The following NAA50 variants were observed in gnomAD, a reference collection of about 807,000 sequenced individuals.
NAA50 encodes N-alpha-acetyltransferase 50.
NAA50 carries 7 observed loss-of-function variants against 20.7 expected under a neutral mutation model. The observed-to-expected ratio is 0.34, with a 90% CI of 0.19 to 0.63. The LOEUF (loss-of-function observed/expected upper bound fraction) is 0.63. NAA50 is among the 30% of genes least tolerant of loss of function. The probability of loss-of-function intolerance (pLI) is 0.75; values close to 1 mark genes in which losing one functional copy is unlikely to be tolerated. For missense variants in NAA50, 111 were observed against 199.1 expected (o/e 0.56, Z 2.66); for synonymous variants, 54 against 70.6 (o/e 0.77, Z 1.18).
rs938160399 is a variant in NAA50 at position 113,717,767 on chromosome 3, C to T, written c.*3993G>A. On this transcript the variant is annotated 3_prime_UTR_variant, in exon 5 of 5. Coordinates refer to ENST00000240922, the MANE Select transcript of NAA50 (RefSeq NM_025146.4). ...AACCACAAGAGCACAGCCTTTAGAC[C>T]CACTATTTCTTTTATATCCCGAATA... 6.6e-6 allele frequency: 1 copy of T among 152,156 alleles called. No homozygotes were observed. The highest frequency in any genetic ancestry group is 2.4e-5 in the African/African-American group (1 of 41,418). 9.4% of individuals were successfully genotyped at this position (152,156 alleles called of 1,614,324 possible).
chr3:113,735,917 G>A lies in NAA50; in HGVS notation c.8+10025C>T, dbSNP rs1195459824. Among the ~76,000 whole-genome samples the A allele has an allele frequency of 7.9e-5, 12 of 152,286 alleles. No individual in the cohort carries two copies. In the South Asian group the frequency reaches 1.9e-3, roughly 24 times the overall value. On this transcript the variant is annotated intron_variant, in intron 1 of 4. Coordinates refer to ENST00000240922, the MANE Select transcript of NAA50 (RefSeq NM_025146.4). ...AGGCTGGTCTCCAACTGCTGGTCTC[G>A]AATTCCTGGTCTCTCACCTCGGCCC...
At chr3:113,724,668 C>T (rs1015886054) in intron 1 of NAA50, 11 of 152,174 alleles carry the variant, frequency 7.2e-5, no homozygotes, top group African/African-American at 2.7e-4. Flanking sequence ...AGGATGAAAA[C>T]TATCCATTAA....
intron 2 of NAA50, among the ~76,000 whole-genome samples, 196 bp downstream of exon 2, chr3:113,723,763 G>A (rs922941755): frequency 2.0e-5 from 3 of 152,024 alleles, no homozygotes; most frequent in South Asian, 2.1e-4. Context: ...AGAACACTAA[G>A]CATTTCTTTT....
At chr3:113,734,830 T>G (rs1391626092) in intron 1 of NAA50, among the ~76,000 whole-genome samples, 1 of 152,214 alleles carries the variant, frequency 6.6e-6, no homozygotes, top group East Asian at 1.9e-4. Context: ...ATACATGTTC[T>G]GATAGTTTTT....
At chr3:113,739,139 G>A (rs1371083409) in intron 1 of NAA50, among the ~76,000 whole-genome samples, 1 of 152,150 alleles carries the variant, frequency 6.6e-6, no homozygotes, top group African/African-American at 2.4e-5. Flanking sequence ...TAGAGTTAAA[G>A]CAAAATGTGA....
At chr3:113,723,714 A>T in intron 2 of NAA50, 173 bp from the exon 3 acceptor site, 1 of 842,884 alleles carries the variant, frequency 1.2e-6, no homozygotes, top group East Asian at 2.7e-5. Context: ...AGCCTCCTCT[A>T]GAGTATAGCT....
chr3:113,735,937 C>T (rs577593748), intron 1 of NAA50, among the ~76,000 whole-genome samples: 17 of 152,362 alleles, frequency 1.1e-4, no homozygotes, highest in African/African-American at 3.6e-4. Flanking sequence ...TCTCTCACCT[C>T]GGCCCCCGAA....
At chr3:113,734,029 C>T (rs1011346166) in intron 1 of NAA50, among the ~76,000 whole-genome samples, 1 of 152,066 alleles carries the variant, frequency 6.6e-6, no homozygotes, top group Non-Finnish European at 1.5e-5. Flanking sequence ...ATCGATCCTA[C>T]TTACTGTAGT....
At chr3:113,735,596 T>A (rs1708331184) in intron 1 of NAA50, among the ~76,000 whole-genome samples, 1 of 152,236 alleles carries the variant, frequency 6.6e-6, no homozygotes, top group Admixed American at 6.5e-5. Context: ...TTATCAGTAG[T>A]TTAAGACCTT....
chr3:113,716,956 C>T lies in NAA50; in HGVS notation c.*4804G>A, dbSNP rs1365415792. 6.6e-6 allele frequency: 1 copy of T among 152,190 alleles called. No homozygotes were observed. The highest frequency in any genetic ancestry group is 6.5e-5 in the Admixed American group (1 of 15,272). The allele number at this position is 152,190 out of a possible 1,614,324, so 9.4% of individuals were successfully genotyped here. ...CTTCATATTAACTTTCTGCTCCCAA[C>T]TATTTCTGAATCAGATCTTGCTGCT... On this transcript the variant is annotated 3_prime_UTR_variant, in exon 5 of 5. Coordinates refer to ENST00000240922, the MANE Select transcript of NAA50 (RefSeq NM_025146.4).
At chr3:113,739,357 G>A (rs1410386030) in intron 1 of NAA50, 1 of 152,178 alleles carries the variant, frequency 6.6e-6, no homozygotes, top group African/African-American at 2.4e-5. Context: ...ATTGCTGACA[G>A]AATAAATTGC....
At chr3:113,730,445 GA>G (rs139128160) in intron 1 of NAA50, among the ~76,000 whole-genome samples, 4 of 134,348 alleles carry the variant, frequency 3.0e-5, no homozygotes, top group African/African-American at 5.5e-5. Flanking sequence ...TTGGCTTTCG[GA>G]AAAAAAAAAG....
At chr3:113,730,580 A>C (rs535740145) in intron 1 of NAA50, among the ~76,000 whole-genome samples, 2 of 152,366 alleles carry the variant, frequency 1.3e-5, no homozygotes, top group Admixed American at 1.3e-4. Flanking sequence ...AATTACTCCC[A>C]AAACCTCCCA....
rs768037705 is a variant in NAA50 at position 113,723,473 on chromosome 3, G to T, written c.214C>A (p.Leu72Ile). 6.2e-7 allele frequency: 1 copy of T among 1,613,100 alleles called. No homozygotes were observed. The highest frequency in any genetic ancestry group is 8.5e-7 in the Non-Finnish European group (1 of 1,179,440). ...RVDHSQNQKRLYIMTLGCLAP... is the reference protein window; with the variant it reads ...RVDHSQNQKRIYIMTLGCLAP... ...AGACATCCTAGTGTCATGATGTAAA[G>T]TCTCTTCTGATTCTGTGAATGATCC... Residue 72 changes from leucine to isoleucine, a missense_variant, in exon 3 of 5, where the codon CTT becomes ATT. Leu to Ile is a conservative substitution (Grantham distance 5). Transcript: ENST00000240922.
At chr3:113,740,236 C>T (rs2107994778) in intron 1 of NAA50, among the ~76,000 whole-genome samples, 1 of 152,284 alleles carries the variant, frequency 6.6e-6, no homozygotes, top group South Asian at 2.1e-4. Flanking sequence ...GTTTACTACA[C>T]TTACAGCATG....
chr3:113,739,900 T>C (rs901656969), intron 1 of NAA50, among the ~76,000 whole-genome samples: 2 of 152,204 alleles, frequency 1.3e-5, no homozygotes, highest in Non-Finnish European at 2.9e-5. Context: ...TTTTAAAATG[T>C]TTAATATCTT....
At chr3:113,732,322 T>C (rs1708282420) in intron 1 of NAA50, among the ~76,000 whole-genome samples, 1 of 152,238 alleles carries the variant, frequency 6.6e-6, no homozygotes, top group African/African-American at 2.4e-5. Context: ...AGCTAAGGAA[T>C]GCAGGTTGCC....
At position 113,718,502 on chromosome 3, in the gene NAA50, A is replaced by G. The variant is rs1283734077; in HGVS notation, c.*3258T>C. ...AAAAAGCAAAAATCTAATTATAACA[A>G]TTTTGACTAGAAATATTAAATACTG... On this transcript the variant is annotated 3_prime_UTR_variant, in exon 5 of 5. Coordinates refer to ENST00000240922, the MANE Select transcript of NAA50 (RefSeq NM_025146.4). 1.3e-5 allele frequency: 2 copies of G among 152,228 alleles called. No homozygotes were observed. Among genetic ancestry groups the G allele is most frequent in the Non-Finnish European group, 2.9e-5 (2 of 68,030 alleles). 9.4% of individuals were successfully genotyped at this position (152,228 alleles called of 1,614,324 possible). A position where few individuals can be genotyped will look rare whatever the true frequency, so the allele number is the denominator to read the frequency against.
At chr3:113,736,888 C>T (rs1197827427) in intron 1 of NAA50, among the ~76,000 whole-genome samples, 2 of 152,056 alleles carry the variant, frequency 1.3e-5, no homozygotes, top group African/African-American at 2.4e-5. Flanking sequence ...AAGCTTAAAG[C>T]CTGTTTATAC....
Sources: allele counts gnomAD v4.1 joint callset (sites outside exome capture counted in the v4.1 genomes callset), GRCh38; gene constraint gnomAD v4.1.1; transcripts MANE v1.5; gene names NCBI Gene and HGNC (gene_info 2026-07-23, HGNC 2026-07-21).